Variants in ERC1 observed in about 807,000 individuals in gnomAD.
ERC1 encodes RAB6 interacting protein 2.
ERC1 carries 56 observed loss-of-function variants against 132.0 expected under a neutral mutation model. That is an observed-to-expected ratio of 0.42 (90% CI 0.34 to 0.53). ERC1 has a LOEUF of 0.53. ERC1 is among the 20% of genes least tolerant of loss of function. ERC1 has a pLI of 0.03. For missense variants in ERC1, 1,202 were observed against 1,349.9 expected (o/e 0.89, Z 1.72); for synonymous variants, 478 against 476.1 (o/e 1.00, Z -0.05).
chr12:1,192,697 A>G (rs966247497), intron 12 of ERC1, among the ~76,000 whole-genome samples: 3 of 152,212 alleles, frequency 2.0e-5, no homozygotes, highest in Non-Finnish European at 2.9e-5. Context: ...TTCCTGGGAA[A>G]GTGAGCATTA....
chr12:1,377,138 C>T (rs2088029830), intron 16 of ERC1, among the ~76,000 whole-genome samples: 1 of 152,156 alleles, frequency 6.6e-6, no homozygotes, highest in Admixed American at 6.5e-5. Flanking sequence ...CACCGTTGCC[C>T]CAAGTACTTT....
intron 18 of ERC1, among the ~76,000 whole-genome samples, chr12:1,450,258 C>A (rs1042119571): frequency 1.3e-5 from 2 of 152,094 alleles, no homozygotes; most frequent in African/African-American, 4.8e-5. Flanking sequence ...CTATCACCAC[C>A]ATCTATCTCT....
At chr12:1,204,528 C>T (rs763905067) in intron 12 of ERC1, 2 of 1,588,732 alleles carry the variant, frequency 1.3e-6, no homozygotes, top group African/African-American at 2.7e-5. Flanking sequence ...TATGCTTGCA[C>T]TAAAACAAAG....
intron 12 of ERC1, among the ~76,000 whole-genome samples, chr12:1,205,647 A>C (rs540142923): frequency 6.6e-6 from 1 of 152,266 alleles, no homozygotes; most frequent in Non-Finnish European, 1.5e-5. Flanking sequence ...CATTTAAAAA[A>C]TAGATTTTCC....
At chr12:1,156,099 T>A (rs1286100572) in intron 8 of ERC1, among the ~76,000 whole-genome samples, 1 of 152,078 alleles carries the variant, frequency 6.6e-6, no homozygotes, top group African/African-American at 2.4e-5. Flanking sequence ...ATAAACATTT[T>A]AATATCATCT....
intron 2 of ERC1, among the ~76,000 whole-genome samples, chr12:1,072,384 C>A (rs1368738774): frequency 6.6e-6 from 1 of 152,094 alleles, no homozygotes; most frequent in African/African-American, 2.4e-5. Context: ...AATACGAAAA[C>A]ATGAAGTAAT....
At chr12:1,259,724 C>T (rs1281832076) in intron 13 of ERC1, among the ~76,000 whole-genome samples, 1 of 151,966 alleles carries the variant, frequency 6.6e-6, no homozygotes, top group Non-Finnish European at 1.5e-5. Context: ...GGGGTTTCAC[C>T]ATGTTGGTCA....
intron 17 of ERC1, among the ~76,000 whole-genome samples, chr12:1,413,202 G>A (rs974453735): frequency 6.6e-6 from 1 of 152,130 alleles, no homozygotes; most frequent in East Asian, 1.9e-4. Flanking sequence ...AGAATTAGCT[G>A]TCAAGCAGCC....
chr12:1,462,858 C>G (rs1394762663), intron 18 of ERC1, among the ~76,000 whole-genome samples: 1 of 152,188 alleles, frequency 6.6e-6, no homozygotes, highest in African/African-American at 2.4e-5. Context: ...TCCTTTTGAA[C>G]TGTTTGAAGT....
intron 13 of ERC1, among the ~76,000 whole-genome samples, chr12:1,239,445 C>G (rs2154304814): frequency 6.6e-6 from 1 of 152,296 alleles, no homozygotes; most frequent in East Asian, 1.9e-4. Context: ...TGAAGAAATA[C>G]AGCCGGCCAT....
intron 13 of ERC1, among the ~76,000 whole-genome samples, chr12:1,253,680 G>T (rs894086630): frequency 1.3e-5 from 2 of 150,652 alleles, no homozygotes; most frequent in African/African-American, 4.9e-5. Context: ...GCATCTCAAA[G>T]AAAAAAAAAG....
At position 1,083,168 on chromosome 12, in the gene ERC1, T is replaced by C; in HGVS notation, c.674T>C (p.Met225Thr). The change falls in exon 3 of 19, where the codon ATG (methionine) becomes ACG (threonine). Residue 225 changes from methionine (M) to threonine (T), a missense_variant. Transcript: ENST00000360905. ...YRVVQEENQHMQMTIQALQDE... is the reference protein window; with the variant it reads ...YRVVQEENQHTQMTIQALQDE... Reference sequence around the variant, plus strand: ...TTCTTTTTGTCTTGGTTCTAGCACATGCAGATGACAATCCAGGCTCTCCAG... The same window carrying C: ...TTCTTTTTGTCTTGGTTCTAGCACACGCAGATGACAATCCAGGCTCTCCAG... 6.2e-7 allele frequency: 1 copy of C among 1,611,476 alleles called. No individual in the cohort carries two copies. Among genetic ancestry groups the C allele is most frequent in the South Asian group, 1.1e-5 (1 of 90,656 alleles).
At chr12:1,328,005 T>C (rs2082581343) in intron 15 of ERC1, among the ~76,000 whole-genome samples, 1 of 152,182 alleles carries the variant, frequency 6.6e-6, no homozygotes, top group African/African-American at 2.4e-5. Context: ...ATCATTTTGC[T>C]TCTCTCTTCA....
chr12:1,263,655 G>GA (rs2077281304), intron 14 of ERC1, among the ~76,000 whole-genome samples: 1 of 151,888 alleles, frequency 6.6e-6, no homozygotes, highest in Non-Finnish European at 1.5e-5. Flanking sequence ...TAAACGGAAA[G>GA]AAAAAACATG....
chr12:1,112,069 G>A, intron 5 of ERC1, 146 bp from the exon 6 acceptor site: 1 of 575,472 alleles, frequency 1.7e-6, no homozygotes. Flanking sequence ...AACTACCTAT[G>A]GCTCTTTGAA....
At chr12:1,258,512 A>ATG (rs1371856734) in intron 13 of ERC1, among the ~76,000 whole-genome samples, 1 of 152,210 alleles carries the variant, frequency 6.6e-6, no homozygotes, top group Admixed American at 6.5e-5. Context: ...GAGCAGAAGT[A>ATG]TGTGAAGTCT....
intron 2 of ERC1, among the ~76,000 whole-genome samples, chr12:1,035,665 A>G (rs1051723796): frequency 6.6e-6 from 1 of 152,104 alleles, no homozygotes; most frequent in Non-Finnish European, 1.5e-5. Flanking sequence ...GCTCATGCCT[A>G]TAATCCCAGC....
intron 15 of ERC1, among the ~76,000 whole-genome samples, chr12:1,333,877 A>C (rs7972290): frequency 0.31 from 47,438 of 152,046 alleles, 7,719 homozygotes; most frequent in Middle Eastern, 0.4. Context: ...CCAACAATGT[A>C]TAAGTGTTCA....
At chr12:1,180,737 G>GAA (rs1954354703) in intron 9 of ERC1, 60 bp downstream of exon 9, 1 of 1,592,506 alleles carries the variant, frequency 6.3e-7, no homozygotes, top group Admixed American at 1.7e-5. Context: ...ATCTAAGACT[G>GAA]GATATAGAAT....
Sources: gnomAD v4.1 joint callset for allele counts (sites outside exome capture counted in the v4.1 genomes callset) on GRCh38, gnomAD v4.1.1 for gene constraint, MANE v1.5 for transcripts, NCBI Gene and HGNC (gene_info 2026-07-23, HGNC 2026-07-21) for gene names.